GRIK4: variants seen among roughly 807,000 people sequenced by gnomAD.
GRIK4 encodes glutamate receptor ionotropic, kainate 4.
GRIK4 carries 40 observed loss-of-function variants against 104.9 expected under a neutral mutation model. The ratio of observed to expected loss-of-function variants is 0.38; its 90% CI spans 0.30 to 0.50. The LOEUF (loss-of-function observed/expected upper bound fraction) is 0.50, where lower values mean the gene tolerates loss of function less well. Among genes scored for constraint, GRIK4 ranks in the 20% least tolerant of loss-of-function variants. GRIK4 has a pLI of 0.93. For synonymous variants in GRIK4, 485 were observed against 524.9 expected (o/e 0.92, Z 1.04); for missense variants, 1,047 against 1,308.1 (o/e 0.80, Z 3.08).
intron 3 of GRIK4, among the ~76,000 whole-genome samples, chr11:120,758,113 T>C (rs1056529213): frequency 6.6e-6 from 1 of 152,144 alleles, no homozygotes; most frequent in Non-Finnish European, 1.5e-5. Flanking sequence ...GCACAGTCCA[T>C]GCCCCTCACA....
rs185733272 is a variant in GRIK4, at chr11:120,535,705, C to T, written c.-159+23818C>T. Among the ~76,000 whole-genome samples the T allele has an allele frequency of 1.2e-4, 18 of 152,322 alleles. No individual in the cohort carries two copies. The East Asian group carries it at 1.9e-3, about 16-fold the overall frequency. ...GCATGAAACACTTACTACCTGAGCA[C>T]GGGCAGTGGGCTAGCACATTAGTAT... is the stretch of plus-strand genomic sequence containing the variant. On this transcript the variant is annotated intron_variant, in intron 1 of 20. Transcript: ENST00000527524.
chr11:120,609,172 T>A (rs1949000523), intron 1 of GRIK4, among the ~76,000 whole-genome samples: 1 of 152,040 alleles, frequency 6.6e-6, no homozygotes, highest in African/African-American at 2.4e-5. Context: ...GTTTGGTCCC[T>A]CTCAGAGTTT....
chr11:120,934,762 T>C (rs1214903935), intron 13 of GRIK4, among the ~76,000 whole-genome samples: 2 of 152,182 alleles, frequency 1.3e-5, no homozygotes. Context: ...GGAATGTATT[T>C]ATATACCCCT....
intron 1 of GRIK4, among the ~76,000 whole-genome samples, chr11:120,635,618 A>G (rs1318123243): frequency 2.6e-5 from 4 of 152,188 alleles, no homozygotes; most frequent in Non-Finnish European, 5.9e-5. Context: ...AATTAATCGG[A>G]TGCTTTCCTG....
At chr11:120,889,619 T>TTTTTTTTTTTG (rs1955224199) in intron 11 of GRIK4, among the ~76,000 whole-genome samples, 1 of 138,738 alleles carries the variant, frequency 7.2e-6, no homozygotes, top group East Asian at 2.0e-4. Context: ...TTTTTTTTTT[T>TTTTTTTTTTTG]ATGAGATGGA....
intron 4 of GRIK4, among the ~76,000 whole-genome samples, chr11:120,804,593 A>G (rs912625502): frequency 3.9e-5 from 6 of 152,238 alleles, no homozygotes; most frequent in African/African-American, 1.4e-4. Context: ...TTATTCATTC[A>G]GAAACTTTTA....
chr11:120,511,879 G>T lies in GRIK4; in HGVS notation c.-167G>T, dbSNP rs1020766668. 13 of 300,716 alleles carry T rather than the reference G, an allele frequency of 4.3e-5. No individual in the cohort carries two copies. The highest frequency in any genetic ancestry group is 2.6e-4 in the African/African-American group (11 of 42,712). 18.6% of individuals were successfully genotyped at this position (300,716 alleles called of 1,614,324 possible). ...CCCGGCTCAGCCCCCGGAGTGCGGA[G>T]CCGACCAGGTAAGGGCAGCGGCCCC... On this transcript the variant is annotated 5_prime_UTR_variant, in exon 1 of 21. Transcript: ENST00000527524.
At chr11:120,802,891 G>C (rs1170377556) in intron 4 of GRIK4, 34 bp downstream of exon 4, 1 of 1,587,402 alleles carries the variant, frequency 6.3e-7, no homozygotes, top group South Asian at 1.1e-5. Context: ...CTCTTCCCTT[G>C]CTGGCAGAGG....
chr11:120,576,286 A>G (rs1312709782), intron 1 of GRIK4: 2 of 152,212 alleles, frequency 1.3e-5, no homozygotes. Flanking sequence ...AATTAGTAGG[A>G]CAATAGGATT....
At position 120,522,066 on chromosome 11, in the gene GRIK4, T is replaced by C. The variant is rs1947801928; in HGVS notation, c.-159+10179T>C. On this transcript the variant is annotated intron_variant, in intron 1 of 20. Coordinates refer to ENST00000527524, the MANE Select transcript of GRIK4 (RefSeq NM_014619.5). ...ATGAGGAAATACATAACCACAGAGG[T>C]TATGTAGCTTGCCCAAGATGACACA... is the stretch of plus-strand genomic sequence containing the variant. Among the ~76,000 whole-genome samples the C allele has an allele frequency of 3.3e-5, 5 of 152,070 alleles. No individual in the cohort carries two copies. The South Asian group carries it at 1.0e-3, about 32-fold the overall frequency.
intron 3 of GRIK4, among the ~76,000 whole-genome samples, chr11:120,779,873 A>T (rs906272755): frequency 6.6e-6 from 1 of 152,256 alleles, no homozygotes; most frequent in South Asian, 2.1e-4. Flanking sequence ...GATACACTAG[A>T]CAGAGCGTTG....
At chr11:120,857,462 C>T (rs1294508448) in intron 8 of GRIK4, among the ~76,000 whole-genome samples, 1 of 151,356 alleles carries the variant, frequency 6.6e-6, no homozygotes, top group Non-Finnish European at 1.5e-5. Context: ...CCTTACATAC[C>T]ATTGTATACA....
intron 3 of GRIK4, among the ~76,000 whole-genome samples, chr11:120,797,157 G>A (rs1565358408): frequency 6.6e-6 from 1 of 152,244 alleles, no homozygotes; most frequent in East Asian, 1.9e-4. Context: ...CCCCATGGAT[G>A]GAAAGAGCGG....
intron 3 of GRIK4, among the ~76,000 whole-genome samples, chr11:120,694,870 G>T (rs577569626): frequency 6.6e-6 from 1 of 152,146 alleles, no homozygotes; most frequent in East Asian, 1.9e-4. Context: ...AGCAACACAG[G>T]TCATAAAACA....
At chr11:120,778,532 C>T (rs918183978) in intron 3 of GRIK4, among the ~76,000 whole-genome samples, 2 of 152,174 alleles carry the variant, frequency 1.3e-5, no homozygotes, top group Non-Finnish European at 2.9e-5. Context: ...GTTTTAAAAT[C>T]GGCTTTTTCA....
chr11:120,770,418 TG>T (rs1352488537), intron 3 of GRIK4, among the ~76,000 whole-genome samples: 5 of 152,248 alleles, frequency 3.3e-5, no homozygotes, highest in African/African-American at 4.8e-5. Context: ...CCTCTTTTAG[TG>T]GCAAACTGTT....
intron 1 of GRIK4, among the ~76,000 whole-genome samples, chr11:120,616,210 G>A (rs926236983): frequency 2.0e-5 from 3 of 152,184 alleles, no homozygotes; most frequent in Non-Finnish European, 4.4e-5. Context: ...GAGGGCTGTG[G>A]ACTGACCCAT....
chr11:120,824,599 G>T (rs1182357680), intron 6 of GRIK4, among the ~76,000 whole-genome samples: 1 of 145,630 alleles, frequency 6.9e-6, no homozygotes, highest in African/African-American at 2.6e-5. Context: ...GGCCAGGCTG[G>T]AGTGCAGTGG....
intron 14 of GRIK4, among the ~76,000 whole-genome samples, chr11:120,941,254 T>G (rs564053540): frequency 2.0e-5 from 3 of 152,254 alleles, no homozygotes; most frequent in East Asian, 3.9e-4. Context: ...CCCAATACAC[T>G]AGTCATTTTC....
Sources: allele counts gnomAD v4.1 joint callset (sites outside exome capture counted in the v4.1 genomes callset), GRCh38; gene constraint gnomAD v4.1.1; transcripts MANE v1.5; gene names NCBI Gene and HGNC (gene_info 2026-07-23, HGNC 2026-07-21).